Variants in SGIP1 observed in about 807,000 individuals in gnomAD.
SGIP1 encodes the protein SH3-containing GRB2-like protein 3-interacting protein 1.
In SGIP1, 38 loss-of-function variants were observed where a neutral mutation model predicts 107.5. The observed-to-expected ratio is 0.35, with a 90% confidence interval of 0.27 to 0.46. The LOEUF is 0.46. Ranked by LOEUF, SGIP1 falls within the 20% of genes least tolerant of loss-of-function variation. The pLI, the probability that SGIP1 is intolerant of heterozygous loss-of-function variation, is 1.00. For synonymous variants in SGIP1, 365 were observed against 366.1 expected, an observed-to-expected ratio of 1.00 and a Z score of 0.03; for missense variants, 929 against 1,019.5, an observed-to-expected ratio of 0.91 and a Z score of 1.21.
intron 3 of SGIP1, 130 bp downstream of exon 3, chr1:66,633,224 T>C: frequency 1.5e-6 from 1 of 674,872 alleles, no homozygotes; most frequent in South Asian, 1.7e-5. Context: ...CTCTCACTAT[T>C]GGAATTTTCT....
intron 17 of SGIP1, chr1:66,694,323 C>T: frequency 1.2e-6 from 1 of 826,368 alleles, no homozygotes; most frequent in Non-Finnish European, 1.9e-6. Flanking sequence ...GTTTTGTTTC[C>T]TTTTTCCACT....
chr1:66,579,668 C>T (rs1186192608), intron 1 of SGIP1, among the ~76,000 whole-genome samples: 4 of 152,154 alleles, frequency 2.6e-5, no homozygotes, highest in African/African-American at 4.8e-5. Context: ...TGCCTTGGCT[C>T]CTTGTACCTA....
intron 15 of SGIP1, among the ~76,000 whole-genome samples, chr1:66,687,507 GCAAGC>G (rs2150067818): frequency 6.6e-6 from 1 of 152,074 alleles, no homozygotes; most frequent in South Asian, 2.1e-4. Flanking sequence ...AGAGAGATGT[GCAAGC>G]CAAGCAAAAA....
At chr1:66,630,923 G>A (rs1445682543) in intron 2 of SGIP1, among the ~76,000 whole-genome samples, 1 of 97,308 alleles carries the variant, frequency 1.0e-5, no homozygotes, top group African/African-American at 4.2e-5. Context: ...AGGGAGGGAG[G>A]AAGGAAGGAA....
intron 7 of SGIP1, among the ~76,000 whole-genome samples, chr1:66,653,825 G>A (rs1443577918): frequency 2.0e-5 from 3 of 152,296 alleles, no homozygotes; most frequent in African/African-American, 7.2e-5. Flanking sequence ...GATGTTAAAT[G>A]TTAGTAGCAT....
intron 1 of SGIP1, among the ~76,000 whole-genome samples, chr1:66,586,150 A>T (rs1311752368): frequency 6.6e-6 from 1 of 152,132 alleles, no homozygotes; most frequent in African/African-American, 2.4e-5. Flanking sequence ...ATCTGATACT[A>T]AGTTAGTCCT....
intron 4 of SGIP1, among the ~76,000 whole-genome samples, 167 bp downstream of exon 4, chr1:66,636,182 T>C (rs1008845256): frequency 3.9e-5 from 6 of 152,206 alleles, no homozygotes; most frequent in Admixed American, 6.5e-5. Flanking sequence ...ATTTTTAAAT[T>C]AACCATATAG....
At position 66,750,032 on chromosome 1, in the gene SGIP1, T is replaced by C. The variant is rs866453614; in HGVS notation, c.*6937T>C. Among the ~76,000 whole-genome samples, 89 of 89,634 alleles carry C rather than the reference T, an allele frequency of 9.9e-4. No individual in the cohort carries two copies. Among genetic ancestry groups the C allele is most frequent in the African/African-American group, 4.2e-3 (82 of 19,500 alleles). 58.8% of individuals were successfully genotyped at this position (89,634 alleles called of 152,430 possible). On this transcript the variant is annotated 3_prime_UTR_variant, in exon 25 of 25. Coordinates refer to ENST00000371037, the MANE Select transcript of SGIP1 (RefSeq NM_032291.4). ...CTCTCTCTCTTTCTCTGTGTGTGTG[T>C]GGGGGTGTGTGTGTGTGTGTGTGTG...
chr1:66,567,684 G>A (rs891509714), intron 1 of SGIP1, among the ~76,000 whole-genome samples: 9 of 152,086 alleles, frequency 5.9e-5, no homozygotes, highest in African/African-American at 2.2e-4. Flanking sequence ...TTTTGTATAA[G>A]GTGTAAGGAA....
chr1:66,631,083 GAAAGAAAGAAAGAAAGA>G lies in SGIP1; in HGVS notation c.75-1983_75-1967del, dbSNP rs1205429344. On this transcript the variant is annotated intron_variant, in intron 2 of 24. Coordinates refer to ENST00000371037, the MANE Select transcript of SGIP1 (RefSeq NM_032291.4). The stretch of plus-strand genomic sequence containing the variant: ...AGAAAGAAAGAAAGAAAGAAAGAAA[GAAAGAAAGAAAGAAAGA>G]AAAAAAGAAAGACTGACTCAGTATA... Among the ~76,000 whole-genome samples the G allele has an allele frequency of 2.6e-4, 36 of 138,580 alleles. No homozygotes were observed. In the East Asian group the frequency reaches 3.0e-3, roughly 12 times the overall value. 90.9% of individuals were successfully genotyped at this position (138,580 alleles called of 152,430 possible). A position where few individuals can be genotyped will look rare whatever the true frequency, so the allele number is the denominator to read the frequency against.
chr1:66,595,178 T>C (rs553620927), intron 1 of SGIP1, among the ~76,000 whole-genome samples: 1 of 152,338 alleles, frequency 6.6e-6, no homozygotes, highest in South Asian at 2.1e-4. Flanking sequence ...TCATTGGCTT[T>C]TCAGCTGGCA....
At chr1:66,705,819 A>G (rs1433374799) in intron 18 of SGIP1, among the ~76,000 whole-genome samples, 1 of 152,148 alleles carries the variant, frequency 6.6e-6, no homozygotes, top group East Asian at 1.9e-4. Flanking sequence ...GAGTTGAACA[A>G]TGAGAACACA....
At chr1:66,691,171 T>G (rs2089757619) in intron 17 of SGIP1, among the ~76,000 whole-genome samples, 1 of 152,130 alleles carries the variant, frequency 6.6e-6, no homozygotes, top group African/African-American at 2.4e-5. Flanking sequence ...AGAACTCCCC[T>G]CTGGCTCTTC....
At chr1:66,534,545 C>G (rs1158834578) in intron 1 of SGIP1, among the ~76,000 whole-genome samples, 177 bp downstream of exon 1, 1 of 152,168 alleles carries the variant, frequency 6.6e-6, no homozygotes, top group African/African-American at 2.4e-5. Flanking sequence ...TGGAATCAAA[C>G]CACAGGGCTG....
At position 66,630,945 on chromosome 1, in the gene SGIP1, GAGAA is replaced by G. The variant is rs1404959907; in HGVS notation, c.75-2117_75-2114del. On this transcript the variant is annotated intron_variant, in intron 2 of 24. Coordinates refer to ENST00000371037, the MANE Select transcript of SGIP1 (RefSeq NM_032291.4). ...GAGGAAGGAAGGAAGGAAAGAAAGA[GAGAA>G]AGAAAGAGAAAGAAAGAAAGAGAGG... 1.2e-3 allele frequency among the ~76,000 whole-genome samples: 94 copies of G among 78,804 alleles called. 13 individuals are homozygous for G. Among genetic ancestry groups the G allele is most frequent in the African/African-American group, 5.0e-3 (91 of 18,244 alleles). The allele number at this position is 78,804 out of a possible 152,430, so 51.7% of individuals were successfully genotyped here. A position where few individuals can be genotyped will look rare whatever the true frequency, so the allele number is the denominator to read the frequency against.
At chr1:66,600,394 GAAAAGTCACACTC>G (rs1431097644) in intron 1 of SGIP1, among the ~76,000 whole-genome samples, 1 of 152,142 alleles carries the variant, frequency 6.6e-6, no homozygotes, top group Non-Finnish European at 1.5e-5. Context: ...TCATGTCAAT[GAAAAGTCACACTC>G]GTGGTAGTTG....
At chr1:66,538,514 G>A (rs2147997140) in intron 1 of SGIP1, among the ~76,000 whole-genome samples, 1 of 152,164 alleles carries the variant, frequency 6.6e-6, no homozygotes, top group East Asian at 1.9e-4. Context: ...AATTAAATTA[G>A]ATAAACCATA....
chr1:66,643,199 A>G (rs1358850133), intron 6 of SGIP1, among the ~76,000 whole-genome samples: 1 of 145,108 alleles, frequency 6.9e-6, no homozygotes, highest in Admixed American at 7.0e-5. Flanking sequence ...ACACTGATGC[A>G]TTTAAAACTC....
intron 21 of SGIP1, among the ~76,000 whole-genome samples, chr1:66,734,518 T>A (rs2094147273): frequency 6.6e-6 from 1 of 151,298 alleles, no homozygotes. Context: ...TTTTTTTTTT[T>A]TTTTGAGACA....
Sources: gnomAD v4.1 joint callset for allele counts (sites outside exome capture counted in the v4.1 genomes callset) on GRCh38, gnomAD v4.1.1 for gene constraint, MANE v1.5 for transcripts, NCBI Gene and HGNC (gene_info 2026-07-23, HGNC 2026-07-21) for gene names.